CLYBL: variants seen among roughly 807,000 people sequenced by gnomAD.
CLYBL encodes citramalyl-CoA lyase, mitochondrial.
In CLYBL, 31 loss-of-function variants were observed where a neutral mutation model predicts 38.9. That is an observed-to-expected ratio of 0.80 (90% CI 0.60 to 1.08). The LOEUF (loss-of-function observed/expected upper bound fraction) is 1.08, where lower values mean the gene tolerates loss of function less well. Ranked by LOEUF, CLYBL falls within the 50% of genes least tolerant of loss-of-function variation. The pLI is 0.00. For missense variants in CLYBL, 434 were observed against 411.6 expected, an observed-to-expected ratio of 1.05 and a Z score of -0.47; for synonymous variants, 171 against 158.6, an observed-to-expected ratio of 1.08 and a Z score of -0.59.
intron 7 of CLYBL, among the ~76,000 whole-genome samples, chr13:99,881,655 G>A (rs1196617587): frequency 6.7e-6 from 1 of 149,124 alleles, no homozygotes; most frequent in African/African-American, 2.5e-5. Flanking sequence ...TCGAACTCCT[G>A]GGCTTAGGCG....
At chr13:99,650,328 A>G (rs2047234552) in intron 1 of CLYBL, among the ~76,000 whole-genome samples, 1 of 152,106 alleles carries the variant, frequency 6.6e-6, no homozygotes, top group East Asian at 1.9e-4. Flanking sequence ...AGGCTAAGGC[A>G]GGAGGATTGC....
chr13:99,632,061 CA>C (rs1290176116), intron 1 of CLYBL, among the ~76,000 whole-genome samples: 1 of 152,054 alleles, frequency 6.6e-6, no homozygotes, highest in Non-Finnish European at 1.5e-5. Flanking sequence ...ATTAAGTGGC[CA>C]AAAGCCGCAG....
downstream of CLYBL, chr13:99,896,857 C>T (rs545516420): frequency 6.6e-6 from 1 of 152,168 alleles, no homozygotes. Context: ...AAGATGTCGC[C>T]GAACTTTTTG....
chr13:99,737,562 A>G lies in CLYBL; in HGVS notation c.63-35262A>G, dbSNP rs549285536. On this transcript the variant is annotated intron_variant, in intron 1 of 8. Transcript: ENST00000339105. ...TCACCTCCTTTCCAGGGAAGTGGCA[A>G]GATTTTTGGAGCTGGCGAGTCTGGG... Among the ~76,000 whole-genome samples, 3 of 152,204 alleles carry G rather than the reference A, an allele frequency of 2.0e-5. No homozygotes were observed. The South Asian group carries it at 6.2e-4, about 32-fold the overall frequency.
chr13:99,775,555 C>G (rs1594174729), intron 2 of CLYBL, among the ~76,000 whole-genome samples: 1 of 152,168 alleles, frequency 6.6e-6, no homozygotes, highest in African/African-American at 2.4e-5. Flanking sequence ...GTTGCCCAGG[C>G]TGGGGTGCAG....
At position 99,689,040 on chromosome 13, in the gene CLYBL, G is replaced by C. The variant is rs540163462; in HGVS notation, c.62+82283G>C. Among the ~76,000 whole-genome samples, 112 of 152,090 alleles carry C rather than the reference G, an allele frequency of 7.4e-4. No homozygotes were observed. The Middle Eastern group carries it at 0.017, about 23-fold the overall frequency. The stretch of plus-strand genomic sequence containing the variant: ...TTTTGGAAGGACTCTCAATAAAACC[G>C]GCCTCACACCCCAAGCATCACCCCT... On this transcript the variant is annotated intron_variant, in intron 1 of 8. Coordinates refer to ENST00000339105, the MANE Select transcript of CLYBL (RefSeq NM_206808.5).
At chr13:99,864,941 CTGTGTGTG>C (rs3831038) in intron 5 of CLYBL, 30 bp downstream of exon 5, 1 of 1,338,598 alleles carries the variant, frequency 7.5e-7, no homozygotes. Context: ...CTCTCTTTTT[CTGTGTGTG>C]TGTGTGTATA....
intron 1 of CLYBL, among the ~76,000 whole-genome samples, chr13:99,746,183 C>T (rs1424199125): frequency 6.6e-6 from 1 of 151,928 alleles, no homozygotes; most frequent in Non-Finnish European, 1.5e-5. Flanking sequence ...GTTTAGCAGC[C>T]TTTGAGCTTT....
At chr13:99,887,583 G>C (rs1310409738) in intron 7 of CLYBL, among the ~76,000 whole-genome samples, 4 of 152,022 alleles carry the variant, frequency 2.6e-5, no homozygotes, top group Non-Finnish European at 4.4e-5. Flanking sequence ...ACATAGGGAG[G>C]CCTCGTCTCT....
chr13:99,853,748 G>C (rs1299777680), intron 2 of CLYBL, among the ~76,000 whole-genome samples: 2 of 151,984 alleles, frequency 1.3e-5, no homozygotes, highest in Non-Finnish European at 2.9e-5. Flanking sequence ...GGTGAGGATG[G>C]TCTATGTCCT....
intron 1 of CLYBL, among the ~76,000 whole-genome samples, chr13:99,618,008 A>G (rs1330955518): frequency 9.2e-5 from 14 of 152,030 alleles, no homozygotes. Context: ...CTATTGCCCC[A>G]TTTCCACCAG....
chr13:99,817,304 C>A (rs150853553), intron 2 of CLYBL, among the ~76,000 whole-genome samples: 1 of 151,478 alleles, frequency 6.6e-6, no homozygotes, highest in South Asian at 2.1e-4. Context: ...GGAGAGGAGA[C>A]GAAAGGAGAG....
chr13:99,852,448 A>G (rs925948563), intron 2 of CLYBL, among the ~76,000 whole-genome samples: 1 of 152,160 alleles, frequency 6.6e-6, no homozygotes, highest in Non-Finnish European at 1.5e-5. Context: ...AACTCTATGA[A>G]TACACTAACA....
intron 1 of CLYBL, among the ~76,000 whole-genome samples, chr13:99,722,513 C>T (rs2048409468): frequency 6.6e-6 from 1 of 151,910 alleles, no homozygotes; most frequent in Admixed American, 6.6e-5. Context: ...AAACCTTATT[C>T]ATCTTTGTAC....
chr13:99,881,438 T>G (rs2052206786), intron 7 of CLYBL, among the ~76,000 whole-genome samples: 1 of 152,206 alleles, frequency 6.6e-6, no homozygotes, highest in Non-Finnish European at 1.5e-5. Flanking sequence ...GTTTATTTAT[T>G]TAATTATTGA....
At chr13:99,620,360 C>G (rs1373300167) in intron 1 of CLYBL, among the ~76,000 whole-genome samples, 1 of 152,316 alleles carries the variant, frequency 6.6e-6, no homozygotes, top group South Asian at 2.1e-4. Context: ...CCACAGTGCT[C>G]TCATAGGGTC....
At chr13:99,648,581 G>T (rs2047209066) in intron 1 of CLYBL, among the ~76,000 whole-genome samples, 3 of 152,164 alleles carry the variant, frequency 2.0e-5, no homozygotes, top group Admixed American at 2.0e-4. Flanking sequence ...CTGTGTTCCA[G>T]AGTAGATAGG....
intron 1 of CLYBL, among the ~76,000 whole-genome samples, chr13:99,739,651 A>G (rs1178801526): frequency 6.6e-6 from 1 of 152,206 alleles, no homozygotes; most frequent in Non-Finnish European, 1.5e-5. Flanking sequence ...AGAGCAATTA[A>G]TTCCATTCTA....
At chr13:99,630,239 A>G (rs957613159) in intron 1 of CLYBL, among the ~76,000 whole-genome samples, 13 of 152,154 alleles carry the variant, frequency 8.5e-5, no homozygotes, top group Non-Finnish European at 1.8e-4. Context: ...TGCTTTTTTC[A>G]GAGAGGTATC....
Sources: gnomAD v4.1 joint callset for allele counts (sites outside exome capture counted in the v4.1 genomes callset) on GRCh38, gnomAD v4.1.1 for gene constraint, MANE v1.5 for transcripts, NCBI Gene and HGNC (gene_info 2026-07-23, HGNC 2026-07-21) for gene names.